Variants in RIMKLB observed in about 807,000 individuals in gnomAD.
The protein encoded by RIMKLB is beta-citrylglutamate synthase B.
RIMKLB carries 7 observed loss-of-function variants against 32.0 expected under a neutral mutation model. The observed-to-expected ratio is 0.22, with a 90% confidence interval of 0.12 to 0.41. RIMKLB has a LOEUF of 0.41. RIMKLB is among the 10% of genes least tolerant of loss of function. The probability of loss-of-function intolerance (pLI) is 1.00; values close to 1 mark genes in which losing one functional copy is unlikely to be tolerated. For synonymous variants in RIMKLB, 172 were observed against 185.1 expected (o/e 0.93, Z 0.57); for missense variants, 289 against 498.7 (o/e 0.58, Z 4.00).
At chr12:8,780,483 G>A (rs188154875), downstream of RIMKLB, 1 of 152,162 alleles carries the variant, frequency 6.6e-6, no homozygotes, top group Non-Finnish European at 1.5e-5. Context: ...GTTGGTGTAT[G>A]TGCAAAAATA....
the RIMKLB span, among the ~76,000 whole-genome samples, chr12:8,673,585 A>C: frequency 6.7e-6 from 1 of 150,144 alleles, no homozygotes; most frequent in African/African-American, 2.5e-5. Context: ...CCACCAACTC[A>C]ACTCACTCGA....
chr12:8,731,678 T>C (rs1470321502), intron 2 of RIMKLB, among the ~76,000 whole-genome samples: 2 of 152,216 alleles, frequency 1.3e-5, no homozygotes, highest in East Asian at 1.9e-4. Flanking sequence ...TCCAGTGTTT[T>C]GAAGATGTTG....
chr12:8,774,857 A>G lies in RIMKLB; in HGVS notation c.*1073A>G, dbSNP rs886778701. 1.0e-6 allele frequency: 1 copy of G among 985,444 alleles called. No homozygotes were observed. The highest frequency in any genetic ancestry group is 1.7e-5 in the African/African-American group (1 of 57,208). 61.0% of individuals were successfully genotyped at this position (985,444 alleles called of 1,614,324 possible). ...AGCGTTATATATTTGCATTTTTCAC[A>G]TTTTACGAGGGAGTATATGTGTATG... On this transcript the variant is annotated 3_prime_UTR_variant, in exon 6 of 6. Transcript: ENST00000535829.
At chr12:8,766,017 G>A (rs751186753) in intron 5 of RIMKLB, among the ~76,000 whole-genome samples, 1 of 152,004 alleles carries the variant, frequency 6.6e-6, no homozygotes, top group Non-Finnish European at 1.5e-5. Context: ...AAGAATATAA[G>A]TCATTTCTTT....
At chr12:8,674,052 C>T in the RIMKLB span, among the ~76,000 whole-genome samples, 2 of 151,930 alleles carry the variant, frequency 1.3e-5, no homozygotes, top group African/African-American at 4.8e-5. Flanking sequence ...AAATAAACTC[C>T]ACCTTTTACT....
At chr12:8,705,791 G>A (rs1053117904) in intron 1 of RIMKLB, among the ~76,000 whole-genome samples, 2 of 152,120 alleles carry the variant, frequency 1.3e-5, no homozygotes, top group Non-Finnish European at 2.9e-5. Context: ...TGCAGTCTTG[G>A]GTCTGAAATT....
At chr12:8,682,635 G>A (rs756696353) in intron 1 of RIMKLB, among the ~76,000 whole-genome samples, 1 of 151,828 alleles carries the variant, frequency 6.6e-6, no homozygotes, top group Non-Finnish European at 1.5e-5. Context: ...AGCCGGGCGT[G>A]GTGGCGGGCG....
intron 1 of RIMKLB, among the ~76,000 whole-genome samples, chr12:8,682,924 C>A (rs1471924566): frequency 1.3e-5 from 2 of 151,464 alleles, no homozygotes; most frequent in Non-Finnish European, 2.9e-5. Context: ...GCGTGAGCTA[C>A]CGCGCCCGGC....
chr12:8,725,034 T>A (rs1945847117), intron 2 of RIMKLB, among the ~76,000 whole-genome samples: 1 of 152,218 alleles, frequency 6.6e-6, no homozygotes, highest in African/African-American at 2.4e-5. Context: ...CTGATAAATG[T>A]ATTTTTGTGG....
upstream of RIMKLB, chr12:8,697,185 C>G (rs978000115): frequency 2.0e-5 from 3 of 152,132 alleles, no homozygotes; most frequent in Admixed American, 6.5e-5. Flanking sequence ...AGGTTTACGC[C>G]GGTTTCTAGG....
chr12:8,681,330 A>G (rs1942405339), upstream of RIMKLB, among the ~76,000 whole-genome samples: 1 of 152,226 alleles, frequency 6.6e-6, no homozygotes, highest in South Asian at 2.1e-4. Context: ...TTGTACAAAA[A>G]AAAAATATGT....
At chr12:8,753,768 CTT>C (rs1948804404) in intron 4 of RIMKLB, 120 bp from the exon 5 acceptor site, 1 of 754,822 alleles carries the variant, frequency 1.3e-6, no homozygotes, top group Non-Finnish European at 2.2e-6. Context: ...ACAAAGAAAA[CTT>C]AAAAAAAAAA....
upstream of RIMKLB, among the ~76,000 whole-genome samples, chr12:8,694,706 T>A (rs1447276731): frequency 6.6e-6 from 1 of 152,184 alleles, no homozygotes; most frequent in Non-Finnish European, 1.5e-5. Flanking sequence ...TCCTGTTGAT[T>A]CTCATGTGTC....
At chr12:8,729,137 CT>C (rs1427795479) in intron 2 of RIMKLB, among the ~76,000 whole-genome samples, 1 of 152,162 alleles carries the variant, frequency 6.6e-6, no homozygotes, top group Non-Finnish European at 1.5e-5. Flanking sequence ...TTACAGTGCC[CT>C]TTTAGCTTTG....
chr12:8,754,590 G>C (rs140952524), intron 5 of RIMKLB, among the ~76,000 whole-genome samples: 2 of 152,124 alleles, frequency 1.3e-5, no homozygotes, highest in African/African-American at 2.4e-5. Flanking sequence ...TAGTAATCTT[G>C]TACAGCTCAT....
chr12:8,752,090 G>C (rs1380824192), intron 4 of RIMKLB, 47 bp downstream of exon 4: 1 of 1,204,114 alleles, frequency 8.3e-7, no homozygotes, highest in Non-Finnish European at 1.2e-6. Context: ...AACTATTCTT[G>C]CTTATTAATA....
chr12:8,779,318 T>C (rs1158862531), downstream of RIMKLB: 1 of 152,026 alleles, frequency 6.6e-6, no homozygotes. Context: ...GCTGCTATTG[T>C]GGGGTTTGGG....
At chr12:8,754,590 G>A (rs140952524) in intron 5 of RIMKLB, among the ~76,000 whole-genome samples, 4 of 152,006 alleles carry the variant, frequency 2.6e-5, no homozygotes, top group South Asian at 2.1e-4. Flanking sequence ...TAGTAATCTT[G>A]TACAGCTCAT....
the RIMKLB span, among the ~76,000 whole-genome samples, chr12:8,675,721 A>G: frequency 2.0e-5 from 3 of 152,122 alleles, no homozygotes; most frequent in African/African-American, 2.4e-5. Flanking sequence ...AGGTTGGCAC[A>G]TAGTTATAGC....
Sources: gnomAD v4.1 joint callset for allele counts (sites outside exome capture counted in the v4.1 genomes callset) on GRCh38, gnomAD v4.1.1 for gene constraint, MANE v1.5 for transcripts, NCBI Gene and HGNC (gene_info 2026-07-23, HGNC 2026-07-21) for gene names.